Variants in EPHA6 observed in about 807,000 individuals in gnomAD.
EPHA6 encodes ephrin type-A receptor 6.
EPHA6 carries 50 observed loss-of-function variants against 112.0 expected under a neutral mutation model. That is an observed-to-expected ratio of 0.45 (90% CI 0.36 to 0.56). The LOEUF (loss-of-function observed/expected upper bound fraction) is 0.56, where lower values mean the gene tolerates loss of function less well. Among genes scored for constraint, EPHA6 ranks in the 20% least tolerant of loss-of-function variants. The probability of loss-of-function intolerance (pLI) is 0.00; values close to 1 mark genes in which losing one functional copy is unlikely to be tolerated. For missense variants in EPHA6, 1,280 were observed against 1,417.4 expected (o/e 0.90, Z 1.56); for synonymous variants, 529 against 490.7 (o/e 1.08, Z -1.03).
intron 13 of EPHA6, among the ~76,000 whole-genome samples, chr3:97,631,465 G>T (rs1372858323): frequency 3.9e-5 from 6 of 151,910 alleles, no homozygotes; most frequent in Non-Finnish European, 8.8e-5. Context: ...ATTTTACAAG[G>T]CTTCCACTTA....
intron 2 of EPHA6, among the ~76,000 whole-genome samples, chr3:96,945,448 A>T (rs75655501): frequency 0.025 from 3,784 of 152,298 alleles, 155 homozygotes; most frequent in African/African-American, 0.084. Flanking sequence ...TGTGTAAGCC[A>T]TGCATTCGAG....
rs528416947 is a variant in EPHA6 at position 97,563,147 on chromosome 3, G to A, written c.2387-29465G>A. On this transcript the variant is annotated intron_variant, in intron 11 of 17. Coordinates refer to ENST00000389672, the MANE Select transcript of EPHA6 (RefSeq NM_001080448.3). ...TATCTCTGAGGTATTCTTGTAATGCGTAATATAATATAATGGATTGACAGC... is the reference window on the plus strand; with the variant it reads ...TATCTCTGAGGTATTCTTGTAATGCATAATATAATATAATGGATTGACAGC... Among the ~76,000 whole-genome samples, 6 of 152,132 alleles carry A rather than the reference G, an allele frequency of 3.9e-5. No homozygotes were observed. The East Asian group carries it at 7.7e-4, about 20-fold the overall frequency.
chr3:97,005,862 C>G (rs2043858145), intron 3 of EPHA6, among the ~76,000 whole-genome samples: 1 of 152,134 alleles, frequency 6.6e-6, no homozygotes, highest in Admixed American at 6.5e-5. Context: ...TTTTCTGCAT[C>G]TATTGAGATA....
At chr3:97,547,242 T>C (rs1246302200) in intron 11 of EPHA6, among the ~76,000 whole-genome samples, 2 of 152,204 alleles carry the variant, frequency 1.3e-5, no homozygotes, top group Non-Finnish European at 2.9e-5. Context: ...GATGGGTTTT[T>C]GGTGTGGATG....
intron 3 of EPHA6, among the ~76,000 whole-genome samples, chr3:97,062,508 A>T (rs2046053311): frequency 6.6e-6 from 1 of 152,220 alleles, no homozygotes; most frequent in South Asian, 2.1e-4. Flanking sequence ...AATCCTATTA[A>T]GAAGTGGGCA....
At chr3:97,632,248 A>G (rs751304439) in intron 13 of EPHA6, among the ~76,000 whole-genome samples, 14 of 152,060 alleles carry the variant, frequency 9.2e-5, no homozygotes, top group Non-Finnish European at 1.8e-4. Flanking sequence ...AGAAAAATAA[A>G]TGAATTCAGT....
At chr3:97,359,043 G>A (rs1215884968) in intron 5 of EPHA6, among the ~76,000 whole-genome samples, 1 of 117,766 alleles carries the variant, frequency 8.5e-6, no homozygotes, top group Non-Finnish European at 1.8e-5. Context: ...TTTTTTTTTT[G>A]AGTTCATCTT....
chr3:97,643,600 T>G (rs1020796849), intron 14 of EPHA6, among the ~76,000 whole-genome samples: 4 of 149,624 alleles, frequency 2.7e-5, no homozygotes, highest in African/African-American at 9.9e-5. Context: ...GAGGAAGATC[T>G]ACCAAGCAAA....
At chr3:97,151,071 TC>T in intron 3 of EPHA6, among the ~76,000 whole-genome samples, 1 of 152,254 alleles carries the variant, frequency 6.6e-6, no homozygotes, top group East Asian at 1.9e-4. Context: ...CCTTGTCTCA[TC>T]TTATACTATT....
At position 97,581,872 on chromosome 3, in the gene EPHA6, C is replaced by T. The variant is rs545598073; in HGVS notation, c.2387-10740C>T. ...CTTAGAAGAGGTGGCATTTGAGCAG[C>T]GTATTTAGAATGAGTCAGGCCAATA... On this transcript the variant is annotated intron_variant, in intron 11 of 17. Coordinates refer to ENST00000389672, the MANE Select transcript of EPHA6 (RefSeq NM_001080448.3). Among the ~76,000 whole-genome samples, 12 of 152,292 alleles carry T rather than the reference C, an allele frequency of 7.9e-5. No homozygotes were observed. The South Asian group carries it at 8.3e-4, about 11-fold the overall frequency.
At chr3:97,150,780 G>A (rs1356324813) in intron 3 of EPHA6, among the ~76,000 whole-genome samples, 3 of 151,926 alleles carry the variant, frequency 2.0e-5, no homozygotes, top group South Asian at 4.2e-4. Context: ...TGTAGAAAGT[G>A]TTTTCTTTTT....
At chr3:97,274,956 A>G (rs1199670122) in intron 5 of EPHA6, among the ~76,000 whole-genome samples, 1 of 152,172 alleles carries the variant, frequency 6.6e-6, no homozygotes, top group Non-Finnish European at 1.5e-5. Flanking sequence ...TGCGTCAGGT[A>G]TGAGGAAGAA....
chr3:96,954,880 G>A (rs1023835568), intron 2 of EPHA6, among the ~76,000 whole-genome samples: 3 of 134,628 alleles, frequency 2.2e-5, no homozygotes, highest in African/African-American at 5.5e-5. Context: ...TGCAAGCTCC[G>A]CTTCCCGGGT....
At chr3:96,987,109 A>G (rs942604414) in intron 2 of EPHA6, among the ~76,000 whole-genome samples, 9 of 152,302 alleles carry the variant, frequency 5.9e-5, no homozygotes, top group African/African-American at 2.2e-4. Context: ...TTGTCATGCA[A>G]TTAATGTGTA....
chr3:97,473,282 C>A (rs917148315), intron 7 of EPHA6, among the ~76,000 whole-genome samples: 9 of 151,568 alleles, frequency 5.9e-5, no homozygotes, highest in African/African-American at 2.2e-4. Flanking sequence ...AACAATTATG[C>A]AGGAATATGC....
chr3:97,195,436 AT>A, intron 3 of EPHA6, among the ~76,000 whole-genome samples: 1 of 151,960 alleles, frequency 6.6e-6, no homozygotes, highest in East Asian at 1.9e-4. Flanking sequence ...TATATATCTT[AT>A]TTTATTGTTA....
intron 16 of EPHA6, among the ~76,000 whole-genome samples, chr3:97,736,514 G>A (rs2035269780): frequency 7.4e-6 from 1 of 134,990 alleles, no homozygotes; most frequent in Admixed American, 7.6e-5. Flanking sequence ...TGTGTGTGCA[G>A]CCCCTTTAAT....
At chr3:97,541,069 G>A (rs767387130) in intron 11 of EPHA6, among the ~76,000 whole-genome samples, 1 of 151,932 alleles carries the variant, frequency 6.6e-6, no homozygotes, top group Non-Finnish European at 1.5e-5. Flanking sequence ...GATAAAAACC[G>A]GTAAAAATCT....
chr3:97,713,171 G>A (rs146625018), intron 14 of EPHA6, among the ~76,000 whole-genome samples: 65 of 152,256 alleles, frequency 4.3e-4, no homozygotes, highest in African/African-American at 1.5e-3. Flanking sequence ...CTTGGTGAGA[G>A]GGTGGAGCAG....
Sources: gnomAD v4.1 joint callset for allele counts (sites outside exome capture counted in the v4.1 genomes callset) on GRCh38, gnomAD v4.1.1 for gene constraint, MANE v1.5 for transcripts, NCBI Gene and HGNC (gene_info 2026-07-23, HGNC 2026-07-21) for gene names.